The following MGAT4C variants were observed in gnomAD, a reference collection of about 807,000 sequenced individuals.
MGAT4C encodes MGAT4 family member C.
MGAT4C carries 19 observed loss-of-function variants against 40.1 expected under a neutral mutation model. That is an observed-to-expected ratio of 0.47 (90% CI 0.33 to 0.70). The LOEUF (loss-of-function observed/expected upper bound fraction) is 0.70, where lower values mean the gene tolerates loss of function less well. MGAT4C is among the 30% of genes least tolerant of loss of function. MGAT4C has a pLI of 0.02. For missense variants in MGAT4C, 491 were observed against 563.2 expected (o/e 0.87, Z 1.30); for synonymous variants, 181 against 187.1 (o/e 0.97, Z 0.27).
At chr12:86,514,350 C>T (rs945388116) in intron 2 of MGAT4C, among the ~76,000 whole-genome samples, 1 of 152,068 alleles carries the variant, frequency 6.6e-6, no homozygotes, top group Non-Finnish European at 1.5e-5. Flanking sequence ...TTAAAAAATG[C>T]CATGAACTAC....
chr12:86,288,259 T>G (rs1039726786), intron 4 of MGAT4C, among the ~76,000 whole-genome samples: 8 of 152,208 alleles, frequency 5.3e-5, no homozygotes, highest in African/African-American at 1.7e-4. Flanking sequence ...TTTTGTCAGA[T>G]AAATAGATTG....
intron 2 of MGAT4C, among the ~76,000 whole-genome samples, chr12:86,526,648 G>A (rs987579540): frequency 4.6e-5 from 7 of 152,128 alleles, no homozygotes; most frequent in Non-Finnish European, 7.4e-5. Context: ...CTCACCTATG[G>A]GCAAGAATGC....
intron 2 of MGAT4C, among the ~76,000 whole-genome samples, chr12:86,016,776 G>T (rs896302455): frequency 2.0e-5 from 3 of 151,984 alleles, no homozygotes; most frequent in African/African-American, 7.3e-5. Context: ...TTGGTATGCA[G>T]ACAGGTTTTT....
intron 2 of MGAT4C, among the ~76,000 whole-genome samples, chr12:86,711,032 A>T (rs1163020048): frequency 6.6e-6 from 1 of 151,998 alleles, no homozygotes; most frequent in East Asian, 1.9e-4. Context: ...GAGGACTTAG[A>T]TGCGGAAGGG....
At chr12:86,499,603 C>A (rs1298005634) in intron 2 of MGAT4C, among the ~76,000 whole-genome samples, 3 of 151,802 alleles carry the variant, frequency 2.0e-5, no homozygotes, top group African/African-American at 7.2e-5. Flanking sequence ...CCCAAACCAA[C>A]TATTTGTCAC....
chr12:86,456,477 G>A (rs1369492758), intron 2 of MGAT4C, among the ~76,000 whole-genome samples: 1 of 152,070 alleles, frequency 6.6e-6, no homozygotes, highest in African/African-American at 2.4e-5. Context: ...GGAGCTAAAT[G>A]ATTCAGTTTA....
At chr12:86,526,178 G>A (rs539455853) in intron 2 of MGAT4C, among the ~76,000 whole-genome samples, 1 of 152,190 alleles carries the variant, frequency 6.6e-6, no homozygotes, top group South Asian at 2.1e-4. Flanking sequence ...GCTGTTCTCT[G>A]TGCCTAGTTT....
chr12:86,649,099 T>C (rs1457289339), intron 2 of MGAT4C, among the ~76,000 whole-genome samples: 1 of 151,826 alleles, frequency 6.6e-6, no homozygotes, highest in Admixed American at 6.6e-5. Flanking sequence ...CAATAGGTGA[T>C]TTTTTCCAGA....
chr12:86,072,336 T>G lies in MGAT4C; in HGVS notation c.-56-22613A>C, dbSNP rs185627009. Among the ~76,000 whole-genome samples, 1,320 of 151,112 alleles carry G rather than the reference T, an allele frequency of 8.7e-3. 8 individuals are homozygous for G. The highest frequency in any genetic ancestry group is 0.012 in the Non-Finnish European group (788 of 67,670). ...TTTCCTAAATTTTTTTTGTTAGCTG[T>G]TTTTTTTTCCCCAAAACACTTTAAA... On this transcript the variant is annotated intron_variant, in intron 1 of 4. Transcript: ENST00000611864.
At chr12:86,219,234 C>G (rs1007674126) in intron 1 of MGAT4C, among the ~76,000 whole-genome samples, 2 of 152,038 alleles carry the variant, frequency 1.3e-5, no homozygotes, top group Non-Finnish European at 2.9e-5. Context: ...TGAGTGTGGA[C>G]TCATGGAGAA....
Position 85,970,368 on chromosome 12 carries a change from T to C in MGAT4C, c.*8921A>G, listed in dbSNP as rs1883561499. 1 of 151,266 alleles carries C rather than the reference T, an allele frequency of 6.6e-6. No homozygotes were observed. The highest frequency in any genetic ancestry group is 2.4e-5 in the African/African-American group (1 of 41,372). The allele number at this position is 151,266 out of a possible 1,614,324, so 9.4% of individuals were successfully genotyped here. The stretch of plus-strand genomic sequence containing the variant: ...AATCATCTGGTAAAAATGGACAAAA[T>C]TTAGTTTTATCTTGTGGTCTGGAAA... On this transcript the variant is annotated 3_prime_UTR_variant, in exon 5 of 5. Transcript: ENST00000611864.
At position 86,806,498 on chromosome 12, in the gene MGAT4C, CGTGT is replaced by C. The variant is rs1398143588; in HGVS notation, c.-262+32164_-262+32167del. Among the ~76,000 whole-genome samples, 7 of 151,726 alleles carry C rather than the reference CGTGT, an allele frequency of 4.6e-5. No individual in the cohort carries two copies. The South Asian group carries it at 8.3e-4, about 18-fold the overall frequency. Reference sequence around the variant, plus strand: ...TATGTAGTTCTATATAACTTTACCACGTGTGTAAGTTCATATATACACTACTACA... The same window carrying C: ...TATGTAGTTCTATATAACTTTACCACGTAAGTTCATATATACACTACTACA... On this transcript the variant is annotated intron_variant, in intron 1 of 7. Coordinates refer to the MGAT4C transcript ENST00000548651.
At chr12:86,631,575 G>A (rs1303803034) in intron 2 of MGAT4C, among the ~76,000 whole-genome samples, 3 of 151,992 alleles carry the variant, frequency 2.0e-5, no homozygotes, top group Non-Finnish European at 4.4e-5. Context: ...CAATGGAACA[G>A]AACAGAGCCC....
intron 2 of MGAT4C, among the ~76,000 whole-genome samples, chr12:86,654,439 C>T (rs371683847): frequency 1.9e-3 from 286 of 151,510 alleles, no homozygotes; most frequent in African/African-American, 6.5e-3. Context: ...GAAACATGCA[C>T]GATCAGCAAC....
intron 2 of MGAT4C, among the ~76,000 whole-genome samples, chr12:86,545,826 A>G (rs1211445225): frequency 6.6e-6 from 1 of 152,024 alleles, no homozygotes; most frequent in Non-Finnish European, 1.5e-5. Flanking sequence ...TCAGGCTCAC[A>G]ACACCAAAAA....
intron 1 of MGAT4C, among the ~76,000 whole-genome samples, chr12:86,223,722 G>A (rs1950969100): frequency 6.6e-6 from 1 of 152,148 alleles, no homozygotes; most frequent in South Asian, 2.1e-4. Context: ...CCTAGAAGTT[G>A]TCCAGCCCAT....
chr12:86,375,309 T>C (rs777598927), intron 3 of MGAT4C, among the ~76,000 whole-genome samples: 3 of 152,130 alleles, frequency 2.0e-5, no homozygotes, highest in Non-Finnish European at 4.4e-5. Context: ...TACATGGAGA[T>C]TCTATGCAAA....
chr12:86,644,456 T>C (rs988522545), intron 2 of MGAT4C, among the ~76,000 whole-genome samples: 1 of 151,794 alleles, frequency 6.6e-6, no homozygotes, highest in East Asian at 1.9e-4. Context: ...TTGGCAACAA[T>C]GTAAGGTATT....
chr12:86,811,365 C>T (rs981302357), intron 1 of MGAT4C, among the ~76,000 whole-genome samples: 1 of 122,060 alleles, frequency 8.2e-6, no homozygotes, highest in African/African-American at 3.1e-5. Context: ...TTTCTTGAGA[C>T]AGAGTCTCAC....
Sources: allele counts gnomAD v4.1 joint callset (sites outside exome capture counted in the v4.1 genomes callset), GRCh38; gene constraint gnomAD v4.1.1; transcripts MANE v1.5; gene names NCBI Gene and HGNC (gene_info 2026-07-23, HGNC 2026-07-21).